YWHAZ: variants seen among roughly 807,000 people sequenced by gnomAD.
YWHAZ encodes tyrosine 3-monooxygenase/tryptophan 5-monooxygenase activation protein zeta, also known as 14-3-3 protein zeta/delta.
For missense variants in YWHAZ, 79 were observed against 284.8 expected (o/e 0.28, Z 5.20); for synonymous variants, 87 against 103.6 (o/e 0.84, Z 0.97).
At chr8:100,951,364 G>A (rs1415761722) in intron 1 of YWHAZ, 26 of 984,340 alleles carry the variant, frequency 2.6e-5, no homozygotes, top group South Asian at 4.7e-5. Flanking sequence ...GGGGAGGGCC[G>A]GGTCCCGCCG....
At chr8:100,949,719 G>T (rs144788795) in intron 1 of YWHAZ, among the ~76,000 whole-genome samples, 1 of 152,314 alleles carries the variant, frequency 6.6e-6, no homozygotes, top group African/African-American at 2.4e-5. Context: ...TTGAAATGCA[G>T]AAGTGCTGCA....
chr8:100,933,286 G>C (rs989200198), intron 2 of YWHAZ, among the ~76,000 whole-genome samples: 7 of 151,840 alleles, frequency 4.6e-5, no homozygotes, highest in Non-Finnish European at 5.9e-5. Context: ...TTGAACCTGG[G>C]AGGTGGATGT....
chr8:100,923,554 T>C (rs746786833), intron 5 of YWHAZ: 27 of 156,748 alleles, frequency 1.7e-4, no homozygotes, highest in Non-Finnish European at 2.5e-4. Flanking sequence ...CTAGGCAAAA[T>C]AGACTTCCAC....
intron 2 of YWHAZ, among the ~76,000 whole-genome samples, chr8:100,929,475 C>T (rs1057409331): frequency 2.0e-5 from 3 of 152,192 alleles, no homozygotes; most frequent in African/African-American, 7.2e-5. Flanking sequence ...GCTGGGAATA[C>T]AGGCGTAAAG....
chr8:100,951,833 A>G, intron 1 of YWHAZ, 96 bp downstream of exon 1: 1 of 985,400 alleles, frequency 1.0e-6, no homozygotes, highest in Non-Finnish European at 1.2e-6. Flanking sequence ...CCGCGGGGCG[A>G]GTGGGGATGA....
Position 100,948,138 on chromosome 8 carries a change from T to C in YWHAZ, c.294+458A>G. The C allele has an allele frequency of 1.3e-6, 2 of 1,534,476 alleles. No individual in the cohort carries two copies. The highest frequency in any genetic ancestry group is 1.7e-6 in the Non-Finnish European group (2 of 1,146,566). On this transcript the variant is annotated intron_variant, in intron 2 of 5. Transcript: ENST00000395958. The surrounding 1 kb of genome is among the most constrained non-coding windows in gnomAD (Gnocchi z 4.2). ...GTGACGCCAGAGTTTTCTGCATGGT[T>C]GACTCATTACATTAACATTATAGCG...
In YWHAZ at chr8:100,951,319, G is replaced by A. The variant is rs1031109617; in HGVS notation, c.-12+610C>T. The A allele has an allele frequency of 6.1e-6, 6 of 984,274 alleles. No individual in the cohort carries two copies. In the African/African-American group the frequency reaches 1.1e-4, roughly 17 times the overall value. The allele number at this position is 984,274 out of a possible 1,614,324, so 61.0% of individuals were successfully genotyped here. ...TCGCGCTTGGGTCCCCGAGGCCCCC[G>A]GCCCCTCCCCGCCGCGCCACCGCCT... On this transcript the variant is annotated intron_variant, in intron 1 of 5. Coordinates refer to ENST00000395958, the MANE Select transcript of YWHAZ (RefSeq NM_145690.3).
chr8:100,932,535 A>C (rs566847614), intron 2 of YWHAZ, among the ~76,000 whole-genome samples: 1 of 152,356 alleles, frequency 6.6e-6, no homozygotes, highest in Admixed American at 6.5e-5. Context: ...AACTAAGATC[A>C]TGGTGGTAGT....
Position 100,937,679 on chromosome 8 carries a change from AAAC to A in YWHAZ, c.294+10914_294+10916del, listed in dbSNP as rs140466696. ...ATTGTACTGTCATGGCTCTCTTCCA[AAAC>A]AACAAATGAAGAGAGAGACATTAGG... On this transcript the variant is annotated intron_variant, in intron 2 of 5. Coordinates refer to ENST00000395958, the MANE Select transcript of YWHAZ (RefSeq NM_145690.3). Among the ~76,000 whole-genome samples the A allele has an allele frequency of 2.3e-3, 343 of 152,298 alleles. 2 individuals carry two copies. The highest frequency in any genetic ancestry group is 7.8e-3 in the African/African-American group (326 of 41,546).
chr8:100,949,872 T>C (rs375838084), intron 1 of YWHAZ, among the ~76,000 whole-genome samples: 1 of 152,182 alleles, frequency 6.6e-6, no homozygotes, highest in East Asian at 1.9e-4. Flanking sequence ...TCTGGAAAGA[T>C]ACCCTTTTGC....
chr8:100,922,974 C>T lies in YWHAZ; in HGVS notation c.678+981G>A, dbSNP rs191438314. On this transcript the variant is annotated intron_variant, in intron 5 of 5. Coordinates refer to ENST00000395958, the MANE Select transcript of YWHAZ (RefSeq NM_145690.3). The surrounding 1 kb of genome is among the most constrained non-coding windows in gnomAD (Gnocchi z 4.1). Reference sequence around the variant, plus strand: ...GTATCAGAAAAGTTTATAGATAGCTCCAAATTGTGCTAATAAAGTAATTTT... The same window carrying T: ...GTATCAGAAAAGTTTATAGATAGCTTCAAATTGTGCTAATAAAGTAATTTT... 6.6e-6 allele frequency: 1 copy of T among 152,212 alleles called. No homozygotes were observed. Among genetic ancestry groups the T allele is most frequent in the Non-Finnish European group, 1.5e-5 (1 of 68,012 alleles). The allele number at this position is 152,212 out of a possible 1,614,324, so 9.4% of individuals were successfully genotyped here.
intron 2 of YWHAZ, among the ~76,000 whole-genome samples, chr8:100,937,364 A>C (rs1814224261): frequency 6.6e-6 from 1 of 151,996 alleles, no homozygotes; most frequent in South Asian, 2.1e-4. Context: ...ACAATGATAC[A>C]TTTGTAAAGA....
In YWHAZ at chr8:100,919,137, A is replaced by G. The variant is rs946557747; in HGVS notation, c.*1556T>C. The G allele has an allele frequency of 6.6e-6, 1 of 152,270 alleles. No homozygotes were observed. The highest frequency in any genetic ancestry group is 1.5e-5 in the Non-Finnish European group (1 of 68,032). The allele number at this position is 152,270 out of a possible 1,614,324, so 9.4% of individuals were successfully genotyped here. ...CCTTAGACACTGAGTGGAGCCAGAAAGATCATGCGGCCTTTTTCCAAGTAC... is the reference window on the plus strand; with the variant it reads ...CCTTAGACACTGAGTGGAGCCAGAAGGATCATGCGGCCTTTTTCCAAGTAC... On this transcript the variant is annotated 3_prime_UTR_variant, in exon 6 of 6. Transcript: ENST00000395958.
chr8:100,946,885 C>CA (rs145007143), intron 2 of YWHAZ, among the ~76,000 whole-genome samples: 1,926 of 72,748 alleles, frequency 0.026, 28 homozygotes, highest in African/African-American at 0.072. Flanking sequence ...GTAAGGTGAG[C>CA]AAAAAAAAAA....
At position 100,928,784 on chromosome 8, in the gene YWHAZ, T is replaced by C. The variant is rs1002492235; in HGVS notation, c.295-3745A>G. Among the ~76,000 whole-genome samples, 4 of 151,076 alleles carry C rather than the reference T, an allele frequency of 2.6e-5. No individual in the cohort carries two copies. In the East Asian group the frequency reaches 7.8e-4, roughly 29 times the overall value. On this transcript the variant is annotated intron_variant, in intron 2 of 5. Coordinates refer to ENST00000395958, the MANE Select transcript of YWHAZ (RefSeq NM_145690.3). ...TATTCTCAGCCTCAATGGGGTGATA[T>C]ACCTACTAGAAAGGACGTTATTCCA...
At chr8:100,947,541 G>C (rs750396339) in intron 2 of YWHAZ, among the ~76,000 whole-genome samples, 2 of 152,142 alleles carry the variant, frequency 1.3e-5, no homozygotes, top group Admixed American at 6.5e-5. Flanking sequence ...GAAAATTACA[G>C]TTTAGGAACT....
At position 100,921,317 on chromosome 8, in the gene YWHAZ, C is replaced by G. The variant is rs182032102; in HGVS notation, c.679-565G>C. ...GTGGTGAGATTACAGGTGTGAGCCA[C>G]TGTGCCCAGGCCCTAAATTATTTTT... On this transcript the variant is annotated intron_variant, in intron 5 of 5. Transcript: ENST00000395958. 6.6e-5 allele frequency among the ~76,000 whole-genome samples: 10 copies of G among 152,324 alleles called. No individual in the cohort carries two copies. The East Asian group carries it at 1.2e-3, about 18-fold the overall frequency.
At chr8:100,923,687 G>A in intron 5 of YWHAZ, 1 of 269,982 alleles carries the variant, frequency 3.7e-6, no homozygotes, top group Non-Finnish European at 6.9e-6. Context: ...AAAACATGTA[G>A]AGTCTCAGCA....
intron 1 of YWHAZ, chr8:100,951,634 G>A (rs930247724): frequency 3.0e-6 from 3 of 985,270 alleles, no homozygotes; most frequent in African/African-American, 1.7e-5. Context: ...GAGATCCCCA[G>A]GGATCTCGCG....
Sources: allele counts gnomAD v4.1 joint callset (sites outside exome capture counted in the v4.1 genomes callset), GRCh38; gene constraint gnomAD v4.1.1; non-coding constraint Gnocchi (gnomAD v3.1); transcripts MANE v1.5; gene names NCBI Gene and HGNC (gene_info 2026-07-23, HGNC 2026-07-21).